SLC39A11: variants seen among roughly 807,000 people sequenced by gnomAD.
The protein encoded by SLC39A11 is zinc transporter ZIP11.
In SLC39A11, 33 loss-of-function variants were observed where a neutral mutation model predicts 36.1. The observed-to-expected ratio is 0.91, with a 90% CI of 0.69 to 1.22. The LOEUF is 1.22. SLC39A11 is among the 50% of genes most tolerant of loss of function. The pLI is 0.00. For missense variants in SLC39A11, 432 were observed against 430.3 expected (o/e 1.00, Z -0.03); for synonymous variants, 166 against 170.3 (o/e 0.97, Z 0.20).
chr17:72,937,942 G>A (rs1235870400), intron 5 of SLC39A11, among the ~76,000 whole-genome samples: 3 of 152,198 alleles, frequency 2.0e-5, no homozygotes, highest in African/African-American at 4.8e-5. Context: ...CAAGCTCATG[G>A]TGAGTTTGTG....
intron 5 of SLC39A11, among the ~76,000 whole-genome samples, chr17:72,894,119 T>C (rs1408421176): frequency 1.3e-5 from 2 of 152,040 alleles, no homozygotes; most frequent in Non-Finnish European, 2.9e-5. Context: ...CCCAGCACTT[T>C]GGGAGGCTGA....
chr17:72,677,041 G>A (rs552135224), intron 7 of SLC39A11, among the ~76,000 whole-genome samples: 285 of 152,312 alleles, frequency 1.9e-3, no homozygotes, highest in Non-Finnish European at 3.5e-3. Context: ...CTGTGACTAT[G>A]TGCTGAGTCT....
intron 6 of SLC39A11, among the ~76,000 whole-genome samples, chr17:72,737,198 C>T (rs1016533164): frequency 1.3e-4 from 19 of 151,878 alleles, no homozygotes; most frequent in South Asian, 8.3e-4. Flanking sequence ...ATCACTTGAA[C>T]ACAGGAGGCG....
chr17:72,959,366 T>TAA (rs2086468543), intron 4 of SLC39A11, among the ~76,000 whole-genome samples: 1 of 136,238 alleles, frequency 7.3e-6, no homozygotes, highest in African/African-American at 2.7e-5. Flanking sequence ...TATATATATA[T>TAA]GATCGAATAC....
chr17:72,944,530 C>CG (rs143386832), intron 5 of SLC39A11, among the ~76,000 whole-genome samples: 72,192 of 151,106 alleles, frequency 0.48, 19,711 homozygotes, highest in South Asian at 0.67. Context: ...CCTTGCCTTT[C>CG]AAACACACAC....
At chr17:72,742,067 G>A (rs541336442) in intron 6 of SLC39A11, among the ~76,000 whole-genome samples, 10 of 152,218 alleles carry the variant, frequency 6.6e-5, no homozygotes, top group African/African-American at 2.2e-4. Flanking sequence ...GCTGGGCATG[G>A]TGGCTCACAT....
chr17:72,730,300 T>A (rs1294341325), intron 7 of SLC39A11, among the ~76,000 whole-genome samples: 3 of 152,336 alleles, frequency 2.0e-5, no homozygotes, highest in Non-Finnish European at 1.5e-5. Context: ...TTCTGGTACA[T>A]TACTTCCCCT....
At chr17:72,747,670 CT>C (rs2074995691) in intron 6 of SLC39A11, among the ~76,000 whole-genome samples, 1 of 152,244 alleles carries the variant, frequency 6.6e-6, no homozygotes, top group Non-Finnish European at 1.5e-5. Flanking sequence ...CAAAACTTAG[CT>C]GAGCCTTCTG....
At chr17:72,757,270 A>T (rs2144466311) in intron 6 of SLC39A11, among the ~76,000 whole-genome samples, 1 of 152,338 alleles carries the variant, frequency 6.6e-6, no homozygotes, top group East Asian at 1.9e-4. Flanking sequence ...GGGTAAGAAC[A>T]GGTAAGACCC....
intron 4 of SLC39A11, among the ~76,000 whole-genome samples, chr17:73,023,243 G>A (rs2058416549): frequency 6.6e-6 from 1 of 151,478 alleles, no homozygotes; most frequent in South Asian, 2.1e-4. Context: ...AAAAAAAGAT[G>A]TTACCCTGGG....
intron 3 of SLC39A11, among the ~76,000 whole-genome samples, chr17:73,082,014 A>G (rs2060553418): frequency 6.6e-6 from 1 of 150,714 alleles, no homozygotes; most frequent in Admixed American, 6.7e-5. Flanking sequence ...GGGACAGTGT[A>G]CATTGCTTGG....
intron 6 of SLC39A11, among the ~76,000 whole-genome samples, chr17:72,780,075 G>A (rs1259317596): frequency 6.6e-6 from 1 of 152,184 alleles, no homozygotes; most frequent in Non-Finnish European, 1.5e-5. Flanking sequence ...TGTACTCAAG[G>A]ATCACCAAGT....
In SLC39A11 at chr17:72,723,321, A is replaced by AGTGTGTGTGTGTGTGTGT. The variant is rs10570164; in HGVS notation, c.671+13311_671+13328dup. On this transcript the variant is annotated intron_variant, in intron 7 of 9. Coordinates refer to ENST00000255559, the MANE Select transcript of SLC39A11 (RefSeq NM_139177.4). ...TTCTTTGTCTTTGTAGGAGTGTAAG[A>AGTGTGTGTGTGTGTGTGT]GTGTGTGTGTGTGTGTGTGTGTGTG... 5.0e-3 allele frequency among the ~76,000 whole-genome samples: 750 copies of AGTGTGTGTGTGTGTGTGT among 148,538 alleles called. 4 individuals are homozygous for AGTGTGTGTGTGTGTGTGT. Among genetic ancestry groups the AGTGTGTGTGTGTGTGTGT allele is most frequent in the African/African-American group, 0.016 (661 of 40,104 alleles).
intron 6 of SLC39A11, among the ~76,000 whole-genome samples, chr17:72,847,163 G>C (rs1017120231): frequency 6.6e-6 from 1 of 152,190 alleles, no homozygotes; most frequent in African/African-American, 2.4e-5. Flanking sequence ...AGCACTTTGA[G>C]AGGCTGAGGT....
At position 72,922,436 on chromosome 17, in the gene SLC39A11, C is replaced by T. The variant is rs116115772; in HGVS notation, c.430+25316G>A. On this transcript the variant is annotated intron_variant, in intron 5 of 9. Coordinates refer to ENST00000255559, the MANE Select transcript of SLC39A11 (RefSeq NM_139177.4). ...TCCTTGTCAATGTTAAAACACATCC[C>T]TATTATCAAAGGATTGACGAAAGCA... 4.0e-3 allele frequency among the ~76,000 whole-genome samples: 611 copies of T among 152,286 alleles called. 5 individuals carry two copies. Among genetic ancestry groups the T allele is most frequent in the African/African-American group, 0.014 (572 of 41,548 alleles).
chr17:72,934,989 A>T (rs1018050618), intron 5 of SLC39A11, among the ~76,000 whole-genome samples: 2 of 152,218 alleles, frequency 1.3e-5, no homozygotes, highest in African/African-American at 4.8e-5. Context: ...TTCCTATCAC[A>T]TGACCCAGCC....
chr17:72,909,974 G>C (rs1057040004), intron 5 of SLC39A11, among the ~76,000 whole-genome samples: 37 of 151,398 alleles, frequency 2.4e-4, no homozygotes, highest in Admixed American at 1.8e-3. Context: ...GGATGGTCTC[G>C]ATCTCCTCAC....
chr17:72,748,368 A>G (rs2075026599), intron 6 of SLC39A11, among the ~76,000 whole-genome samples: 1 of 152,174 alleles, frequency 6.6e-6, no homozygotes, highest in Non-Finnish European at 1.5e-5. Flanking sequence ...ATTGTTTATT[A>G]AGAAATATTG....
chr17:72,773,291 A>G (rs1271572215), intron 6 of SLC39A11, among the ~76,000 whole-genome samples: 1 of 152,086 alleles, frequency 6.6e-6, no homozygotes. Flanking sequence ...CTGTGTCCCC[A>G]CCCAAATCTC....
Sources: gnomAD v4.1 joint callset for allele counts (sites outside exome capture counted in the v4.1 genomes callset) on GRCh38, gnomAD v4.1.1 for gene constraint, MANE v1.5 for transcripts, NCBI Gene and HGNC (gene_info 2026-07-23, HGNC 2026-07-21) for gene names.